The following ERC2 variants were observed in gnomAD, a reference collection of about 807,000 sequenced individuals.
ERC2 encodes the protein ELKS/RAB6-interacting/CAST family member 2.
Under a neutral mutation model 114.8 loss-of-function variants are expected in ERC2, and 42 were observed. That is an observed-to-expected ratio of 0.37 (90% CI 0.29 to 0.47). ERC2 has a LOEUF of 0.47. Among genes scored for constraint, ERC2 ranks in the 20% least tolerant of loss-of-function variants. The pLI, the probability that ERC2 is intolerant of heterozygous loss-of-function variation, is 0.99. For missense variants in ERC2, 939 were observed against 1,150.7 expected (o/e 0.82, Z 2.66); for synonymous variants, 454 against 425.5 (o/e 1.07, Z -0.82).
chr3:56,070,838 A>T (rs1050147008), intron 7 of ERC2, among the ~76,000 whole-genome samples: 1 of 152,176 alleles, frequency 6.6e-6, no homozygotes, highest in African/African-American at 2.4e-5. Flanking sequence ...AATTACTTCT[A>T]ATTCCACCAA....
chr3:55,687,695 AG>A (rs1488872790), intron 16 of ERC2, among the ~76,000 whole-genome samples: 1 of 152,162 alleles, frequency 6.6e-6, no homozygotes, highest in Non-Finnish European at 1.5e-5. Flanking sequence ...GCTTCTCTAA[AG>A]CTTCTGAAAC....
intron 16 of ERC2, among the ~76,000 whole-genome samples, chr3:55,686,844 T>C (rs550471566): frequency 1.3e-3 from 191 of 152,280 alleles, no homozygotes; most frequent in Non-Finnish European, 2.1e-3. Flanking sequence ...CTGCCACCAG[T>C]TGCCAAAATA....
intron 7 of ERC2, among the ~76,000 whole-genome samples, chr3:56,020,267 T>A (rs1024216406): frequency 7.9e-5 from 12 of 152,040 alleles, no homozygotes; most frequent in Non-Finnish European, 1.6e-4. Context: ...AAAGATGAAA[T>A]TTTTTTTCTT....
chr3:56,094,344 C>A (rs2077945175), intron 6 of ERC2, among the ~76,000 whole-genome samples: 1 of 152,112 alleles, frequency 6.6e-6, no homozygotes, highest in African/African-American at 2.4e-5. Flanking sequence ...CCAGGGCAAC[C>A]TGTGATGTAA....
chr3:55,807,543 C>A (rs750528420), intron 14 of ERC2, among the ~76,000 whole-genome samples: 3 of 152,096 alleles, frequency 2.0e-5, no homozygotes, highest in Non-Finnish European at 4.4e-5. Flanking sequence ...GCTACTGTAG[C>A]ACAAAAGTAT....
At chr3:55,824,965 T>C (rs1311030231) in intron 14 of ERC2, among the ~76,000 whole-genome samples, 1 of 152,208 alleles carries the variant, frequency 6.6e-6, no homozygotes, top group Non-Finnish European at 1.5e-5. Context: ...ATAAGCCAAA[T>C]AACTCATTTT....
chr3:56,268,067 C>T (rs150921157), intron 3 of ERC2, among the ~76,000 whole-genome samples: 1 of 152,248 alleles, frequency 6.6e-6, no homozygotes, highest in Non-Finnish European at 1.5e-5. Flanking sequence ...TCACAATGTA[C>T]AGTCAATTCC....
intron 12 of ERC2, among the ~76,000 whole-genome samples, chr3:55,960,627 C>G (rs939917517): frequency 7.9e-5 from 12 of 152,150 alleles, no homozygotes; most frequent in African/African-American, 2.7e-4. Flanking sequence ...ACCAGACAAG[C>G]AGGAGTCCAT....
intron 3 of ERC2, among the ~76,000 whole-genome samples, chr3:56,231,172 C>A (rs748840224): frequency 6.6e-6 from 1 of 152,158 alleles, no homozygotes; most frequent in Non-Finnish European, 1.5e-5. Context: ...TCTGCTCTGA[C>A]GCCAGATTAA....
intron 3 of ERC2, among the ~76,000 whole-genome samples, chr3:56,233,187 C>T (rs2050738134): frequency 1.3e-5 from 2 of 152,176 alleles, no homozygotes; most frequent in African/African-American, 2.4e-5. Context: ...CCCTGTCAGA[C>T]CCTAAGTCAT....
intron 12 of ERC2, among the ~76,000 whole-genome samples, chr3:55,958,364 C>G (rs976945489): frequency 6.6e-6 from 1 of 152,174 alleles, no homozygotes; most frequent in Non-Finnish European, 1.5e-5. Flanking sequence ...AAAGTGCATG[C>G]TGATTGTTCC....
In ERC2 at chr3:56,313,442, T is replaced by C. The variant is rs182280198; in HGVS notation, c.658-17007A>G. On this transcript the variant is annotated intron_variant, in intron 2 of 17. Transcript: ENST00000288221. ...TTTCCCATTTTCATTCAGCAAATAT[T>C]TTTTCCAAGAATAACTTATTTACTC... Among the ~76,000 whole-genome samples, 21 of 152,240 alleles carry C rather than the reference T, an allele frequency of 1.4e-4. No individual in the cohort carries two copies. In the South Asian group the frequency reaches 3.9e-3, roughly 29 times the overall value.
intron 7 of ERC2, among the ~76,000 whole-genome samples, chr3:56,026,892 A>G (rs2074089822): frequency 6.6e-6 from 1 of 151,278 alleles, no homozygotes; most frequent in African/African-American, 2.4e-5. Context: ...ACCACCACCA[A>G]AGTCAAGATA....
intron 3 of ERC2, among the ~76,000 whole-genome samples, chr3:56,271,513 A>G (rs966031952): frequency 6.6e-6 from 1 of 152,232 alleles, no homozygotes; most frequent in Non-Finnish European, 1.5e-5. Flanking sequence ...TACACAAGGA[A>G]TTATATGAGA....
chr3:56,046,951 T>C (rs529943241), intron 7 of ERC2, among the ~76,000 whole-genome samples: 3 of 152,320 alleles, frequency 2.0e-5, no homozygotes, highest in African/African-American at 7.2e-5. Flanking sequence ...GGCCCCAGAT[T>C]CATTCCGCTA....
intron 17 of ERC2, among the ~76,000 whole-genome samples, chr3:55,512,705 T>C (rs1349524124): frequency 6.6e-6 from 1 of 152,226 alleles, no homozygotes; most frequent in Non-Finnish European, 1.5e-5. Context: ...TTTATTCAGT[T>C]GTGAGAAAGA....
chr3:55,636,090 G>A (rs192256747), intron 17 of ERC2, among the ~76,000 whole-genome samples: 1 of 151,774 alleles, frequency 6.6e-6, no homozygotes, highest in African/African-American at 2.4e-5. Flanking sequence ...TGGCAAGGCT[G>A]GTCTTGAACT....
At chr3:55,949,444 A>C (rs1416157259) in intron 13 of ERC2, among the ~76,000 whole-genome samples, 1 of 152,018 alleles carries the variant, frequency 6.6e-6, no homozygotes, top group Non-Finnish European at 1.5e-5. Context: ...TCAAGCATCA[A>C]TGTAAAGGGC....
At chr3:56,113,037 G>A (rs1022857449) in intron 6 of ERC2, among the ~76,000 whole-genome samples, 6 of 152,182 alleles carry the variant, frequency 3.9e-5, no homozygotes, top group African/African-American at 1.4e-4. Flanking sequence ...CCCTGGCCAA[G>A]TTACTGAGAA....
Sources: gnomAD v4.1 joint callset for allele counts (sites outside exome capture counted in the v4.1 genomes callset) on GRCh38, gnomAD v4.1.1 for gene constraint, MANE v1.5 for transcripts, NCBI Gene and HGNC (gene_info 2026-07-23, HGNC 2026-07-21) for gene names.